XRCC4: variants seen among roughly 807,000 people sequenced by gnomAD.
The protein encoded by XRCC4 is X-ray repair cross complementing 4.
In XRCC4, 28 loss-of-function variants were observed where a neutral mutation model predicts 39.1. That is an observed-to-expected ratio of 0.72 (90% confidence interval 0.53 to 0.98). The LOEUF (loss-of-function observed/expected upper bound fraction) is 0.98. Among genes scored for constraint, XRCC4 ranks in the 50% least tolerant of loss-of-function variants. The probability of loss-of-function intolerance (pLI) is 0.00; values close to 1 mark genes in which losing one functional copy is unlikely to be tolerated. For synonymous variants in XRCC4, 123 were observed against 126.4 expected (o/e 0.97, Z 0.18); for missense variants, 350 against 376.4 (o/e 0.93, Z 0.58).
At chr5:83,138,007 T>A (rs1490112385) in intron 3 of XRCC4, among the ~76,000 whole-genome samples, 1 of 152,160 alleles carries the variant, frequency 6.6e-6, no homozygotes, top group East Asian at 1.9e-4. Flanking sequence ...AATCATATAT[T>A]TCTCAGCAAA....
chr5:83,317,971 C>A (rs375687843), intron 7 of XRCC4, among the ~76,000 whole-genome samples: 3 of 104,380 alleles, frequency 2.9e-5, no homozygotes, highest in South Asian at 3.3e-4. Context: ...TACTGGCAAA[C>A]CGAATCCAGC....
At chr5:83,275,402 C>T (rs1754292729) in intron 7 of XRCC4, among the ~76,000 whole-genome samples, 1 of 150,364 alleles carries the variant, frequency 6.7e-6, no homozygotes, top group Admixed American at 6.6e-5. Context: ...TCACGCCATT[C>T]TCCTGCCTCA....
chr5:83,358,163 A>T (rs1372694571), downstream of XRCC4, among the ~76,000 whole-genome samples: 1 of 152,156 alleles, frequency 6.6e-6, no homozygotes, highest in African/African-American at 2.4e-5. Context: ...GAACTAACCT[A>T]AAGTGGTTTT....
At chr5:83,153,807 C>G (rs1294366401) in intron 3 of XRCC4, among the ~76,000 whole-genome samples, 2 of 152,140 alleles carry the variant, frequency 1.3e-5, no homozygotes, top group African/African-American at 2.4e-5. Flanking sequence ...TTTATATACT[C>G]ATGTTTTTGT....
At chr5:83,118,675 C>G (rs1746856917) in intron 3 of XRCC4, among the ~76,000 whole-genome samples, 2 of 152,166 alleles carry the variant, frequency 1.3e-5, no homozygotes, top group African/African-American at 4.8e-5. Flanking sequence ...CATGGCTTCA[C>G]CTAGCTGCAA....
chr5:83,258,831 T>A, intron 7 of XRCC4, 154 bp downstream of exon 7: 2 of 961,464 alleles, frequency 2.1e-6, no homozygotes, highest in Non-Finnish European at 3.0e-6. Context: ...CAATGTATTG[T>A]TTCAGTATTT....
At chr5:83,367,305 T>C in the XRCC4 span, among the ~76,000 whole-genome samples, 1 of 152,060 alleles carries the variant, frequency 6.6e-6, no homozygotes, top group African/African-American at 2.4e-5. Context: ...ATATTACATG[T>C]CTATGTGCAA....
At chr5:83,293,436 TTTTC>T (rs1428720700) in intron 7 of XRCC4, among the ~76,000 whole-genome samples, 16 of 151,994 alleles carry the variant, frequency 1.1e-4, no homozygotes, top group African/African-American at 1.4e-4. Context: ...CCTCTTTTCT[TTTTC>T]TTTCTTTTTT....
intron 6 of XRCC4, among the ~76,000 whole-genome samples, chr5:83,250,819 G>A (rs904670036): frequency 6.6e-6 from 1 of 152,130 alleles, no homozygotes; most frequent in Admixed American, 6.5e-5. Context: ...AAGAAGAAAA[G>A]CAATGTAAGA....
chr5:83,292,985 TAAAC>T (rs1360121878), intron 7 of XRCC4, among the ~76,000 whole-genome samples: 1 of 151,992 alleles, frequency 6.6e-6, no homozygotes, highest in Non-Finnish European at 1.5e-5. Flanking sequence ...ACAATTGTCA[TAAAC>T]AATAGAAATA....
intron 6 of XRCC4, among the ~76,000 whole-genome samples, chr5:83,229,891 A>C (rs1394293339): frequency 1.3e-5 from 2 of 151,884 alleles, no homozygotes; most frequent in East Asian, 3.9e-4. Context: ...ATTATTGAAA[A>C]TTAAATAAAG....
At chr5:83,368,654 G>A in the XRCC4 span, among the ~76,000 whole-genome samples, 2 of 152,154 alleles carry the variant, frequency 1.3e-5, no homozygotes, top group Non-Finnish European at 1.5e-5. Flanking sequence ...CAAAAACTGT[G>A]GGTCATCAGC....
chr5:83,325,094 A>G (rs1033897597), intron 7 of XRCC4, among the ~76,000 whole-genome samples: 1 of 152,046 alleles, frequency 6.6e-6, no homozygotes, highest in Non-Finnish European at 1.5e-5. Flanking sequence ...AGCTTTTGCT[A>G]GTCAACATTT....
intron 7 of XRCC4, among the ~76,000 whole-genome samples, chr5:83,306,145 A>G (rs1755475684): frequency 6.6e-6 from 1 of 152,178 alleles, no homozygotes; most frequent in Non-Finnish European, 1.5e-5. Context: ...TCTAGTGAAT[A>G]GAAACATGTG....
At chr5:83,117,667 GTGTGTGTA>G (rs1161707819) in intron 3 of XRCC4, among the ~76,000 whole-genome samples, 14 of 136,424 alleles carry the variant, frequency 1.0e-4, no homozygotes, top group Admixed American at 6.4e-4. Context: ...GTGTGTGTGT[GTGTGTGTA>G]TGTATGTATA....
In XRCC4 at chr5:83,206,508, G is replaced by A. The variant is rs568715471; in HGVS notation, c.745+1587G>A. ...TTAATAGAACATATTCACTGGATTGGTGAAGGAAGGGGATAGGAGAGAATA... is the reference window on the plus strand; with the variant it reads ...TTAATAGAACATATTCACTGGATTGATGAAGGAAGGGGATAGGAGAGAATA... On this transcript the variant is annotated intron_variant, in intron 6 of 7. Coordinates refer to ENST00000396027, the MANE Select transcript of XRCC4 (RefSeq NM_003401.5). Among the ~76,000 whole-genome samples the A allele has an allele frequency of 4.6e-5, 7 of 152,212 alleles. No individual in the cohort carries two copies. In the South Asian group the frequency reaches 1.5e-3, roughly 32 times the overall value.
intron 7 of XRCC4, among the ~76,000 whole-genome samples, chr5:83,298,163 G>C (rs935088042): frequency 6.6e-6 from 1 of 151,328 alleles, no homozygotes; most frequent in Non-Finnish European, 1.5e-5. Context: ...ATTACACACT[G>C]TATGAATCCA....
intron 3 of XRCC4, among the ~76,000 whole-genome samples, chr5:83,143,171 G>A (rs554458215): frequency 1.1e-4 from 16 of 152,254 alleles, no homozygotes; most frequent in Middle Eastern, 3.4e-3. Flanking sequence ...AATGACTTAC[G>A]AAAGTCCTGC....
At chr5:83,094,336 C>T (rs1218672695) in intron 1 of XRCC4, among the ~76,000 whole-genome samples, 1 of 112,070 alleles carries the variant, frequency 8.9e-6, no homozygotes, top group Non-Finnish European at 1.8e-5. Context: ...TCCTCCCCTT[C>T]CCTCCGCTCC....
Sources: gnomAD v4.1 joint callset for allele counts (sites outside exome capture counted in the v4.1 genomes callset) on GRCh38, gnomAD v4.1.1 for gene constraint, MANE v1.5 for transcripts, NCBI Gene and HGNC (gene_info 2026-07-23, HGNC 2026-07-21) for gene names.